USP25: variants seen among roughly 807,000 people sequenced by gnomAD.
The protein encoded by USP25 is ubiquitin specific peptidase 25, also known as ubiquitin carboxyl-terminal hydrolase 25.
A neutral mutation model predicts 158.5 loss-of-function variants in USP25; 85 were observed. That is an observed-to-expected ratio of 0.54 (90% CI 0.45 to 0.64). USP25 has a LOEUF of 0.64. USP25 is among the 30% of genes least tolerant of loss of function. The pLI is 0.00. For synonymous variants in USP25, 464 were observed against 460.4 expected (o/e 1.01, Z -0.10); for missense variants, 1,242 against 1,327.3 (o/e 0.94, Z 1.00).
intron 16 of USP25, among the ~76,000 whole-genome samples, chr21:15,833,091 TA>T (rs373367772): frequency 0.015 from 2,252 of 151,486 alleles, 60 homozygotes; most frequent in African/African-American, 0.052. Flanking sequence ...ACTCTTAAGA[TA>T]AAAAAAAATC....
At chr21:15,818,979 A>G (rs2037092391) in intron 10 of USP25, 133 bp downstream of exon 10, 1 of 1,139,126 alleles carries the variant, frequency 8.8e-7, no homozygotes, top group Non-Finnish European at 1.2e-6. Context: ...TTTGGATTTA[A>G]TTGGTAATTT....
At chr21:15,831,113 TAAAC>T (rs1366420994) in intron 15 of USP25, among the ~76,000 whole-genome samples, 2 of 152,198 alleles carry the variant, frequency 1.3e-5, no homozygotes, top group African/African-American at 4.8e-5. Context: ...TTTATTCAAA[TAAAC>T]AATTAGGCCA....
At chr21:15,847,850 C>A in intron 19 of USP25, 74 bp downstream of exon 19, 2 of 902,556 alleles carry the variant, frequency 2.2e-6, no homozygotes, top group Non-Finnish European at 3.4e-6. Flanking sequence ...GGCATGCCTG[C>A]ACCCTCATAC....
chr21:15,754,381 G>A (rs1445447126), intron 1 of USP25, among the ~76,000 whole-genome samples: 3 of 152,196 alleles, frequency 2.0e-5, no homozygotes, highest in South Asian at 4.1e-4. Flanking sequence ...GGCATTATAT[G>A]TATGTACCAG....
At chr21:15,841,441 C>G (rs9305754) in intron 17 of USP25, among the ~76,000 whole-genome samples, 28,122 of 152,080 alleles carry the variant, frequency 0.18, 7,907 homozygotes, top group African/African-American at 0.61. Context: ...ATATTATATA[C>G]CTGCATCATC....
intron 1 of USP25, among the ~76,000 whole-genome samples, chr21:15,758,359 G>C (rs1202714348): frequency 6.6e-6 from 1 of 152,156 alleles, no homozygotes; most frequent in Non-Finnish European, 1.5e-5. Context: ...TGTGTCATGG[G>C]AGGGACCAGG....
At chr21:15,749,230 CAA>C (rs1256636194) in intron 1 of USP25, among the ~76,000 whole-genome samples, 3 of 152,176 alleles carry the variant, frequency 2.0e-5, no homozygotes, top group Admixed American at 2.0e-4. Flanking sequence ...CCTGGGCAAT[CAA>C]GAGAGTGACA....
chr21:15,749,686 G>A (rs1481281726), intron 1 of USP25, among the ~76,000 whole-genome samples: 1 of 152,214 alleles, frequency 6.6e-6, no homozygotes, highest in Non-Finnish European at 1.5e-5. Context: ...GTTAAATAAA[G>A]TATTTGTAGG....
intron 16 of USP25, among the ~76,000 whole-genome samples, chr21:15,832,482 G>T (rs530978197): frequency 6.6e-6 from 1 of 152,142 alleles, no homozygotes; most frequent in Non-Finnish European, 1.5e-5. Flanking sequence ...TAGAAGTTCA[G>T]TAATTCTTCT....
At chr21:15,750,214 G>GTTTTT (rs35867462) in intron 1 of USP25, among the ~76,000 whole-genome samples, 3 of 65,634 alleles carry the variant, frequency 4.6e-5, no homozygotes, top group Admixed American at 2.0e-4. Flanking sequence ...GTGTGTGTAT[G>GTTTTT]TTTTTTTTTT....
intron 2 of USP25, among the ~76,000 whole-genome samples, chr21:15,764,723 T>G (rs2033933780): frequency 6.6e-6 from 1 of 152,164 alleles, no homozygotes; most frequent in African/African-American, 2.4e-5. Flanking sequence ...GCGCTTTATT[T>G]TATTGTTAGA....
At chr21:15,741,529 A>G (rs1207199362) in intron 1 of USP25, among the ~76,000 whole-genome samples, 2 of 152,162 alleles carry the variant, frequency 1.3e-5, no homozygotes, top group East Asian at 3.8e-4. Context: ...TGTTTTAGCC[A>G]TTTGGTGAAT....
At chr21:15,776,138 A>G (rs1170539310) in intron 3 of USP25, among the ~76,000 whole-genome samples, 4 of 152,148 alleles carry the variant, frequency 2.6e-5, no homozygotes, top group Admixed American at 6.5e-5. Flanking sequence ...GTTCTGGGTT[A>G]CACTCATCTT....
Position 15,811,219 on chromosome 21 carries a change from A to T in USP25, c.931+9A>T, listed in dbSNP as rs1278210847. 1 of 1,603,244 alleles carries T rather than the reference A, an allele frequency of 6.2e-7. No homozygotes were observed. The highest frequency in any genetic ancestry group is 8.5e-7 in the Non-Finnish European group (1 of 1,175,390). On this transcript the variant is annotated intron_variant, in intron 9 of 25. Coordinates refer to ENST00000400183, the MANE Select transcript of USP25 (RefSeq NM_001283041.3). ...TGTGGGAGTACTTGAAGGTAGAGTT[A>T]TACATTTACTTTTTATTGCAAGTGA...
At chr21:15,762,694 G>C (rs1157586268) in intron 1 of USP25, among the ~76,000 whole-genome samples, 197 bp from the exon 2 acceptor site, 1 of 151,964 alleles carries the variant, frequency 6.6e-6, no homozygotes, top group Admixed American at 6.6e-5. Flanking sequence ...ATGAAATAAG[G>C]GTTCTCCACA....
chr21:15,804,497 AAAC>A (rs996964047), intron 6 of USP25, among the ~76,000 whole-genome samples: 15 of 152,050 alleles, frequency 9.9e-5, no homozygotes, highest in Non-Finnish European at 1.9e-4. Flanking sequence ...TTAAATATAA[AAAC>A]AAATATTAAA....
chr21:15,777,869 CTTTTAA>C (rs746938375), intron 3 of USP25, 29 bp from the exon 4 acceptor site: 2 of 1,551,998 alleles, frequency 1.3e-6, no homozygotes, highest in East Asian at 2.3e-5. Flanking sequence ...TTTTGTTTTA[CTTTTAA>C]TTTTGAGAAA....
At chr21:15,848,694 G>A (rs2038744036) in intron 19 of USP25, among the ~76,000 whole-genome samples, 1 of 152,106 alleles carries the variant, frequency 6.6e-6, no homozygotes, top group Non-Finnish European at 1.5e-5. Context: ...AATCACCAAA[G>A]TCAGAAGTGT....
In USP25 at chr21:15,776,721, T is replaced by C. The variant is rs114409516; in HGVS notation, c.269-1183T>C. Among the ~76,000 whole-genome samples, 363 of 152,228 alleles carry C rather than the reference T, an allele frequency of 2.4e-3. 5 individuals are homozygous for C. The highest frequency in any genetic ancestry group is 8.5e-3 in the African/African-American group (351 of 41,534). ...TTAGCCAAGTGGTGCATGCCTGTAG[T>C]CCTAGCTACTCTGGAGGTTGGGGCG... On this transcript the variant is annotated intron_variant, in intron 3 of 25. Coordinates refer to ENST00000400183, the MANE Select transcript of USP25 (RefSeq NM_001283041.3).
Sources: gnomAD v4.1 joint callset for allele counts (sites outside exome capture counted in the v4.1 genomes callset) on GRCh38, gnomAD v4.1.1 for gene constraint, MANE v1.5 for transcripts, NCBI Gene and HGNC (gene_info 2026-07-23, HGNC 2026-07-21) for gene names.